PCDH11X: variants seen among roughly 807,000 people sequenced by gnomAD.
PCDH11X encodes protocadherin 11 X-linked, also known as protocadherin-11 X-linked.
PCDH11X carries 18 observed loss-of-function variants against 53.3 expected under a neutral mutation model. The ratio of observed to expected loss-of-function variants is 0.34; its 90% confidence interval spans 0.23 to 0.50. The LOEUF is 0.50. PCDH11X is among the 20% of genes least tolerant of loss of function. The probability of loss-of-function intolerance (pLI) is 0.98; values close to 1 mark genes in which losing one functional copy is unlikely to be tolerated. For synonymous variants in PCDH11X, 279 were observed against 393.3 expected (o/e 0.71, Z 3.44); for missense variants, 570 against 1,032.4 (o/e 0.55, Z 6.14).
chrX:92,585,377 T>C (rs905345276), intron 10 of PCDH11X, among the ~76,000 whole-genome samples: 7 of 105,418 alleles, frequency 6.6e-5, no homozygotes, highest in African/African-American at 1.7e-4. Context: ...CTTTTTCTTT[T>C]TTTTTTTTTT....
At chrX:91,795,393 C>T (rs1935699238) in intron 1 of PCDH11X, among the ~76,000 whole-genome samples, 1 of 110,274 alleles carries the variant, frequency 9.1e-6, no homozygotes, top group South Asian at 3.9e-4. Context: ...CATCTTTCAC[C>T]ACAGTAAAAG....
chrX:92,254,787 G>A (rs1465074132), intron 7 of PCDH11X, among the ~76,000 whole-genome samples: 1 of 109,896 alleles, frequency 9.1e-6, no homozygotes, highest in Non-Finnish European at 1.9e-5. Context: ...CTTCTGGCTT[G>A]TAGGGTTTCT....
chrX:91,873,389 C>T (rs1304871950), intron 5 of PCDH11X, among the ~76,000 whole-genome samples: 12 of 110,360 alleles, frequency 1.1e-4, no homozygotes, highest in Non-Finnish European at 1.1e-4. Flanking sequence ...AATTTAAATG[C>T]TCCTTTGGGG....
At position 92,148,668 on chromosome X, in the gene PCDH11X, CACTTA is replaced by C. The variant is rs1270424744; in HGVS notation, c.3034-52702_3034-52698del. On this transcript the variant is annotated intron_variant, in intron 6 of 10. Coordinates refer to ENST00000682573, the MANE Select transcript of PCDH11X (RefSeq NM_032968.5). ...TTGTTTAAAATACTTGCTCCTCAGC[CACTTA>C]ACTTTTTTTTTCTTTATAAGATCAT... is the stretch of plus-strand genomic sequence containing the variant. 3.8e-3 allele frequency among the ~76,000 whole-genome samples: 412 copies of C among 109,401 alleles called. 4 individuals carry two copies. Among genetic ancestry groups the C allele is most frequent in the African/African-American group, 0.013 (403 of 30,156 alleles).
intron 10 of PCDH11X, among the ~76,000 whole-genome samples, chrX:92,545,405 T>G (rs865890016): frequency 0.035 from 3,117 of 88,285 alleles, 82 homozygotes; most frequent in African/African-American, 0.13. Context: ...TTTTTTTTTT[T>G]TTTTTTTTGT....
At chrX:92,353,311 T>A (rs1234490668) in intron 8 of PCDH11X, among the ~76,000 whole-genome samples, 2 of 112,215 alleles carry the variant, frequency 1.8e-5, no homozygotes, top group Admixed American at 9.5e-5. Context: ...AACTTGTGAG[T>A]TAATTTCAAA....
chrX:92,484,044 A>G (rs1304679062), intron 10 of PCDH11X, among the ~76,000 whole-genome samples: 9 of 105,868 alleles, frequency 8.5e-5, no homozygotes, highest in Non-Finnish European at 1.7e-4. Flanking sequence ...ATGTGGAACC[A>G]GCCCAAATGC....
chrX:91,879,081 C>T lies in PCDH11X; in HGVS notation c.2841C>T (p.Ala947=). 8.3e-7 allele frequency: 1 copy of T among 1,211,455 alleles called. No homozygotes were observed. The highest frequency in any genetic ancestry group is 1.1e-6 in the Non-Finnish European group (1 of 895,450). The change falls in exon 6 of 11, where the codon GCC becomes GCT. Residue 947 remains alanine, a synonymous_variant. Transcript: ENST00000682573. ...RHYKSASPQP[A]FQIQPETPLN... The stretch of plus-strand genomic sequence containing the variant: ...ACAAATCTGCCTCTCCACAGCCTGC[C>T]TTCCAAATTCAGCCTGAAACTCCCC...
intron 6 of PCDH11X, among the ~76,000 whole-genome samples, chrX:91,881,869 T>C (rs2147741560): frequency 9.0e-6 from 1 of 110,962 alleles, no homozygotes; most frequent in African/African-American, 3.3e-5. Flanking sequence ...CCAATTTATT[T>C]TAAACAGTGA....
At chrX:92,541,080 T>A (rs1361800875) in intron 10 of PCDH11X, among the ~76,000 whole-genome samples, 1 of 110,242 alleles carries the variant, frequency 9.1e-6, no homozygotes, top group Non-Finnish European at 1.9e-5. Context: ...GCCACTTGAG[T>A]CCACTGGCTC....
At chrX:91,941,687 G>A (rs1221089947) in intron 6 of PCDH11X, among the ~76,000 whole-genome samples, 4 of 108,880 alleles carry the variant, frequency 3.7e-5, no homozygotes, top group Non-Finnish European at 7.7e-5. Context: ...AGACTGGATT[G>A]CCACTGTCAA....
chrX:92,598,099 C>T (rs1925827148), intron 10 of PCDH11X, among the ~76,000 whole-genome samples: 2 of 111,504 alleles, frequency 1.8e-5, no homozygotes, highest in Non-Finnish European at 3.8e-5. Flanking sequence ...TAAAAGGAAA[C>T]ATTTGAAAAA....
rs1263572299 is a variant in PCDH11X at position 92,093,262 on chromosome X, C to A, written c.3034-108113C>A. ...ATTGTGTGGCGAGAGGGTACGTTTT[C>A]ATCCTCACATGCTGAAAAGTGAGAA... On this transcript the variant is annotated intron_variant, in intron 6 of 10. Transcript: ENST00000682573. Among the ~76,000 whole-genome samples the A allele has an allele frequency of 2.7e-5, 3 of 111,589 alleles. No individual in the cohort carries two copies. The East Asian group carries it at 8.5e-4, about 31-fold the overall frequency.
intron 5 of PCDH11X, among the ~76,000 whole-genome samples, chrX:91,848,972 T>C (rs1937854148): frequency 9.2e-6 from 1 of 108,606 alleles, no homozygotes; most frequent in Non-Finnish European, 1.9e-5. Flanking sequence ...CTAAACACTT[T>C]CCAAGTATGT....
At chrX:92,002,715 GCTA>G (rs2062531383) in intron 6 of PCDH11X, among the ~76,000 whole-genome samples, 1 of 105,990 alleles carries the variant, frequency 9.4e-6, no homozygotes, top group Admixed American at 1.0e-4. Context: ...ATATAGAATT[GCTA>G]CTAATTTTTG....
intron 6 of PCDH11X, among the ~76,000 whole-genome samples, chrX:92,053,379 A>AT (rs2063394400): frequency 9.3e-6 from 1 of 107,017 alleles, no homozygotes; most frequent in Admixed American, 1.0e-4. Context: ...GATTTGTAAT[A>AT]TTTTGCAGTC....
chrX:92,121,371 G>A (rs1440457350), intron 6 of PCDH11X, among the ~76,000 whole-genome samples: 1 of 111,118 alleles, frequency 9.0e-6, no homozygotes, highest in Admixed American at 9.6e-5. Context: ...GGCCAGGCTG[G>A]TCTCGAACTC....
At chrX:92,528,766 G>A (rs2074504886) in intron 10 of PCDH11X, among the ~76,000 whole-genome samples, 1 of 111,262 alleles carries the variant, frequency 9.0e-6, no homozygotes, top group Admixed American at 9.6e-5. Context: ...TTTTAAGTAT[G>A]AAAAAAAGAA....
At chrX:92,545,318 G>T (rs2074827653) in intron 10 of PCDH11X, among the ~76,000 whole-genome samples, 1 of 106,565 alleles carries the variant, frequency 9.4e-6, no homozygotes, top group Non-Finnish European at 1.9e-5. Flanking sequence ...TAAGAGACAT[G>T]TAGTCTATCA....
Sources: gnomAD v4.1 joint callset for allele counts (sites outside exome capture counted in the v4.1 genomes callset) on GRCh38, gnomAD v4.1.1 for gene constraint, MANE v1.5 for transcripts, NCBI Gene and HGNC (gene_info 2026-07-23, HGNC 2026-07-21) for gene names.